FAF1: variants seen among roughly 807,000 people sequenced by gnomAD.
FAF1 encodes the protein Fas associated factor 1.
A neutral mutation model predicts 92.5 loss-of-function variants in FAF1; 25 were observed. That is an observed-to-expected ratio of 0.27 (90% confidence interval 0.20 to 0.38). The LOEUF (loss-of-function observed/expected upper bound fraction) is 0.38. Ranked by LOEUF, FAF1 falls within the 10% of genes least tolerant of loss-of-function variation. The pLI, the probability that FAF1 is intolerant of heterozygous loss-of-function variation, is 1.00. For missense variants in FAF1, 636 were observed against 793.3 expected (o/e 0.80, Z 2.38); for synonymous variants, 234 against 273.2 (o/e 0.86, Z 1.42).
chr1:50,570,030 C>T (rs1456582711), intron 12 of FAF1, among the ~76,000 whole-genome samples: 1 of 152,122 alleles, frequency 6.6e-6, no homozygotes, highest in Admixed American at 6.5e-5. Flanking sequence ...CATTTCAAAG[C>T]ATTGGTCCCT....
chr1:50,842,079 T>G (rs777116734), intron 2 of FAF1, among the ~76,000 whole-genome samples: 40 of 152,186 alleles, frequency 2.6e-4, no homozygotes, highest in Admixed American at 1.1e-3. Context: ...GAACTTTATT[T>G]CTCCTTACTG....
intron 4 of FAF1, among the ~76,000 whole-genome samples, chr1:50,760,509 A>C (rs1478144649): frequency 6.6e-6 from 1 of 152,238 alleles, no homozygotes; most frequent in Non-Finnish European, 1.5e-5. Context: ...GGTGCAATCA[A>C]ACTAGAACTC....
chr1:50,633,947 C>G (rs189093124), intron 8 of FAF1, among the ~76,000 whole-genome samples: 2 of 152,256 alleles, frequency 1.3e-5, no homozygotes, highest in Admixed American at 1.3e-4. Flanking sequence ...TCACAATTGT[C>G]AACAAACATA....
intron 7 of FAF1, among the ~76,000 whole-genome samples, chr1:50,689,468 G>A (rs985156349): frequency 3.9e-5 from 6 of 152,058 alleles, no homozygotes; most frequent in Non-Finnish European, 5.9e-5. Context: ...CCTGCGGTCC[G>A]GACTGCTCAG....
intron 2 of FAF1, among the ~76,000 whole-genome samples, chr1:50,817,608 G>T (rs1055555568): frequency 7.2e-5 from 11 of 152,184 alleles, no homozygotes; most frequent in Non-Finnish European, 1.0e-4. Context: ...ACACTGAACT[G>T]CAAACTTAAA....
chr1:50,830,693 C>T (rs1344876061), intron 2 of FAF1, among the ~76,000 whole-genome samples: 2 of 150,988 alleles, frequency 1.3e-5, no homozygotes, highest in Non-Finnish European at 2.9e-5. Flanking sequence ...CAATGGCTTC[C>T]CATCTCATTT....
intron 8 of FAF1, among the ~76,000 whole-genome samples, chr1:50,599,049 C>T (rs776818970): frequency 1.1e-4 from 16 of 152,036 alleles, no homozygotes; most frequent in South Asian, 8.3e-4. Flanking sequence ...TCAGTAGTTC[C>T]ATAAGGTCAA....
At chr1:50,569,199 T>C (rs1339621399) in intron 12 of FAF1, among the ~76,000 whole-genome samples, 1 of 152,146 alleles carries the variant, frequency 6.6e-6, no homozygotes, top group Non-Finnish European at 1.5e-5. Context: ...CTTCCGTGAT[T>C]CCCTCAGGCA....
chr1:50,875,185 T>C (rs566178685), intron 1 of FAF1, among the ~76,000 whole-genome samples: 2 of 152,220 alleles, frequency 1.3e-5, no homozygotes, highest in South Asian at 4.1e-4. Context: ...TTTCCAGCTG[T>C]CCCTATACTC....
intron 6 of FAF1, among the ~76,000 whole-genome samples, chr1:50,729,705 G>C (rs1319302498): frequency 6.7e-6 from 1 of 148,750 alleles, no homozygotes; most frequent in Non-Finnish European, 1.5e-5. Flanking sequence ...CTGCACCAAA[G>C]CTATCTCACA....
At chr1:50,705,601 T>C (rs1201379397) in intron 7 of FAF1, among the ~76,000 whole-genome samples, 185 bp downstream of exon 7, 1 of 152,218 alleles carries the variant, frequency 6.6e-6, no homozygotes, top group African/African-American at 2.4e-5. Flanking sequence ...CCCATTTACA[T>C]CTTTCTAGGT....
chr1:50,478,844 C>A (rs1384039229), intron 17 of FAF1, among the ~76,000 whole-genome samples: 1 of 152,094 alleles, frequency 6.6e-6, no homozygotes, highest in Admixed American at 6.5e-5. Flanking sequence ...TGTTCAAAAT[C>A]ATGTATTTTG....
In FAF1 at chr1:50,922,492, G is replaced by GAGAGA. The variant is rs71059599; in HGVS notation, c.45+37270_45+37274dup. Among the ~76,000 whole-genome samples, 85 of 136,308 alleles carry GAGAGA rather than the reference G, an allele frequency of 6.2e-4. 1 individual carries two copies. In the South Asian group the frequency reaches 7.9e-3, roughly 13 times the overall value. The allele number at this position is 136,308 out of a possible 152,430, so 89.4% of individuals were successfully genotyped here. On this transcript the variant is annotated intron_variant, in intron 1 of 18. Transcript: ENST00000396153. The stretch of plus-strand genomic sequence containing the variant: ...AAAAAAAAAAAAAAAAGAAAAGAGA[G>GAGAGA]AGAGAAGAGAAGAGAAGAGAAGAAA...
chr1:50,704,129 C>T (rs1326712973), intron 7 of FAF1, among the ~76,000 whole-genome samples: 1 of 152,110 alleles, frequency 6.6e-6, no homozygotes, highest in African/African-American at 2.4e-5. Flanking sequence ...GTAAATCAAA[C>T]AATAACTTGG....
intron 7 of FAF1, among the ~76,000 whole-genome samples, chr1:50,668,157 G>C (rs144258697): frequency 6.6e-6 from 1 of 152,166 alleles, no homozygotes; most frequent in African/African-American, 2.4e-5. Context: ...TGGCCTGGGG[G>C]TGTGGCTCAT....
intron 7 of FAF1, among the ~76,000 whole-genome samples, chr1:50,682,671 T>C (rs1188104735): frequency 6.6e-6 from 1 of 152,222 alleles, no homozygotes; most frequent in Non-Finnish European, 1.5e-5. Context: ...TTATATATAC[T>C]GGTATTATCT....
chr1:50,686,875 C>T (rs759346554), intron 7 of FAF1, among the ~76,000 whole-genome samples: 65 of 152,262 alleles, frequency 4.3e-4, no homozygotes, highest in Admixed American at 2.6e-3. Context: ...GTCGCCCACG[C>T]TGGAGTGCAG....
At chr1:50,507,619 A>G (rs1647075180) in intron 15 of FAF1, among the ~76,000 whole-genome samples, 1 of 152,190 alleles carries the variant, frequency 6.6e-6, no homozygotes, top group African/African-American at 2.4e-5. Flanking sequence ...CAGGAAGCTG[A>G]GGTGGGAGGC....
intron 18 of FAF1, among the ~76,000 whole-genome samples, chr1:50,442,875 G>T (rs376946668): frequency 1.3e-5 from 2 of 152,178 alleles, no homozygotes; most frequent in African/African-American, 4.8e-5. Context: ...AATCCTCTCC[G>T]CTTATAAGGA....
Sources: gnomAD v4.1 joint callset for allele counts (sites outside exome capture counted in the v4.1 genomes callset) on GRCh38, gnomAD v4.1.1 for gene constraint, MANE v1.5 for transcripts, NCBI Gene and HGNC (gene_info 2026-07-23, HGNC 2026-07-21) for gene names.